VWDE: variants seen among roughly 807,000 people sequenced by gnomAD.
The protein encoded by VWDE is von Willebrand factor D and EGF domain-containing protein.
In VWDE, 207 loss-of-function variants were observed where a neutral mutation model predicts 178.4. That is an observed-to-expected ratio of 1.16 (90% CI 1.04 to 1.30). The LOEUF is 1.30. Among genes scored for constraint, VWDE ranks in the 50% most tolerant of loss-of-function variants. The pLI, the probability that VWDE is intolerant of heterozygous loss-of-function variation, is 0.00. For missense variants in VWDE, 2,287 were observed against 1,901.3 expected (o/e 1.20, Z -3.77); for synonymous variants, 738 against 651.4 (o/e 1.13, Z -2.02).
At chr7:12,358,846 C>T (rs556054143) in intron 16 of VWDE, among the ~76,000 whole-genome samples, 1 of 152,288 alleles carries the variant, frequency 6.6e-6, no homozygotes, top group East Asian at 1.9e-4. Context: ...CATTGTCTTC[C>T]CACAGCATTC....
chr7:12,365,556 C>T (rs545109642), intron 13 of VWDE, among the ~76,000 whole-genome samples: 60 of 152,164 alleles, frequency 3.9e-4, no homozygotes, highest in African/African-American at 1.4e-3. Flanking sequence ...GAGCAGGAAT[C>T]GATTCACGTT....
rs943590640 is a variant in VWDE, at chr7:12,389,147, C to T, written c.455G>A (p.Cys152Tyr). ...CTTACCTTCCGCACAGTAGCCCATACATCCCTGAGTTGGTTGTAGTAAGTA... is the reference window on the plus strand; with the variant it reads ...CTTACCTTCCGCACAGTAGCCCATATATCCCTGAGTTGGTTGTAGTAAGTA... Reference protein sequence around the residue: ...SVYLLQPTQGCMGYCAEAISD... With the variant: ...SVYLLQPTQGYMGYCAEAISD... Residue 152 changes from cysteine (C) to tyrosine (Y), a missense_variant, in exon 3 of 29, where the codon TGT becomes TAT. By Grantham distance (194) the Cys-to-Tyr change is radical. Coordinates refer to ENST00000275358, the MANE Select transcript of VWDE (RefSeq NM_001135924.3). 2.6e-6 allele frequency: 4 copies of T among 1,550,258 alleles called. No homozygotes were observed. Among genetic ancestry groups the T allele is most frequent in the Non-Finnish European group, 3.5e-6 (4 of 1,145,430 alleles).
intron 3 of VWDE, among the ~76,000 whole-genome samples, chr7:12,386,718 C>A (rs140466783): frequency 6.6e-6 from 1 of 152,100 alleles, no homozygotes; most frequent in Admixed American, 6.6e-5. Flanking sequence ...TCGCTGGTGA[C>A]GCTTCATTAT....
chr7:12,340,283 T>G (rs1781254519), intron 24 of VWDE, 39 bp downstream of exon 24: 1 of 1,460,696 alleles, frequency 6.8e-7, no homozygotes, highest in African/African-American at 1.4e-5. Flanking sequence ...TATCTAACTT[T>G]CCATTTGCCC....
At chr7:12,361,864 C>T (rs985988010) in intron 13 of VWDE, among the ~76,000 whole-genome samples, 7 of 151,900 alleles carry the variant, frequency 4.6e-5, no homozygotes, top group Admixed American at 6.6e-5. Context: ...TGATTTTCTG[C>T]CCAGAAATTC....
intron 1 of VWDE, among the ~76,000 whole-genome samples, chr7:12,398,218 T>C (rs1784716511): frequency 6.6e-6 from 1 of 152,154 alleles, no homozygotes; most frequent in South Asian, 2.1e-4. Flanking sequence ...ACTGGTCCAA[T>C]TGTCCCACAG....
intron 13 of VWDE, among the ~76,000 whole-genome samples, chr7:12,364,886 TTAAG>T (rs551446735): frequency 6.2e-4 from 94 of 152,204 alleles, no homozygotes; most frequent in African/African-American, 2.0e-3. Flanking sequence ...CAAAAACCCC[TTAAG>T]TAAGTGATCA....
intron 13 of VWDE, among the ~76,000 whole-genome samples, chr7:12,366,500 C>T (rs1782867625): frequency 6.6e-6 from 1 of 152,028 alleles, no homozygotes; most frequent in African/African-American, 2.4e-5. Flanking sequence ...CTTACATGTA[C>T]CTTTCTATTT....
At chr7:12,394,619 T>C (rs1159104637) in intron 1 of VWDE, among the ~76,000 whole-genome samples, 8 of 152,110 alleles carry the variant, frequency 5.3e-5, no homozygotes, top group Non-Finnish European at 1.2e-4. Flanking sequence ...GCTCCTGTGC[T>C]CCCAAATTAC....
At chr7:12,355,812 G>C (rs1348849041) in intron 18 of VWDE, among the ~76,000 whole-genome samples, 2 of 152,014 alleles carry the variant, frequency 1.3e-5, no homozygotes, top group African/African-American at 4.8e-5. Flanking sequence ...TATCTTAATA[G>C]TAATACATTT....
intron 10 of VWDE, among the ~76,000 whole-genome samples, chr7:12,371,730 T>C (rs1783212522): frequency 6.6e-6 from 1 of 152,146 alleles, no homozygotes; most frequent in South Asian, 2.1e-4. Context: ...TCTTTTATAT[T>C]TTGGGCATAT....
At position 12,336,186 on chromosome 7, in the gene VWDE, T is replaced by A. The variant is rs1288080370; in HGVS notation, c.4609A>T (p.Ile1537Leu). The change falls in exon 27 of 29, where the codon ATA (isoleucine) becomes TTA (leucine). Residue 1537 changes from isoleucine (I) to leucine (L), a missense_variant. Transcript: ENST00000275358. ...KNGGECIAPS[I>L]CHCPSSWEGV... ...TCCCAGGAGGAAGGACAATGGCATA[T>A]GCTGGGCGCAATGCATTCACCACCG... is the stretch of plus-strand genomic sequence containing the variant. 9.0e-6 allele frequency: 14 copies of A among 1,551,516 alleles called. No individual in the cohort carries two copies. Among genetic ancestry groups the A allele is most frequent in the Non-Finnish European group, 1.2e-5 (14 of 1,146,910 alleles).
chr7:12,386,918 A>G (rs908665755), intron 3 of VWDE, among the ~76,000 whole-genome samples: 4 of 152,232 alleles, frequency 2.6e-5, no homozygotes, highest in Non-Finnish European at 2.9e-5. Context: ...CCAGCAGTAC[A>G]TATGTGTGAA....
intron 2 of VWDE, 60 bp from the exon 3 acceptor site, chr7:12,389,418 T>C (rs557030884): frequency 9.0e-5 from 110 of 1,226,522 alleles, no homozygotes; most frequent in African/African-American, 6.3e-4. Flanking sequence ...ATTGTAGATA[T>C]ATCAACTTTG....
intron 2 of VWDE, among the ~76,000 whole-genome samples, chr7:12,390,325 T>C (rs1291451162): frequency 6.6e-6 from 1 of 151,954 alleles, no homozygotes; most frequent in African/African-American, 2.4e-5. Context: ...ACTAAATGCA[T>C]GATCTTGGAC....
rs567846842 is a variant in VWDE, at chr7:12,332,668, GT to G, written c.4758+796del. On this transcript the variant is annotated intron_variant, in intron 28 of 28. Coordinates refer to ENST00000275358, the MANE Select transcript of VWDE (RefSeq NM_001135924.3). ...AGTACTCAATAACTTTTGCTTTCCA[GT>G]TTTCAAACCATAGCCCTATTATGAT... 1.3e-3 allele frequency among the ~76,000 whole-genome samples: 193 copies of G among 152,224 alleles called. No homozygotes were observed. In the Middle Eastern group the frequency reaches 0.02, roughly 16 times the overall value.
chr7:12,394,832 T>C (rs1047748457), intron 1 of VWDE, among the ~76,000 whole-genome samples: 1 of 152,094 alleles, frequency 6.6e-6, no homozygotes, highest in Admixed American at 6.6e-5. Flanking sequence ...CTTATCTAAC[T>C]AAAAAATTAT....
chr7:12,342,303 A>G, intron 22 of VWDE, 149 bp from the exon 23 acceptor site: 1 of 551,022 alleles, frequency 1.8e-6, no homozygotes, highest in Non-Finnish European at 3.0e-6. Flanking sequence ...TTCGGGTTTC[A>G]AATGCTTTCT....
Position 12,331,152 on chromosome 7 carries a change from A to G in VWDE, c.*31T>C. ...AACAAAATATTTCCATTCTTAAGAT[A>G]CAGGCTTGTAATTCATATACTTGAT... On this transcript the variant is annotated 3_prime_UTR_variant, in exon 29 of 29. Transcript: ENST00000275358. The G allele has an allele frequency of 6.6e-7, 1 of 1,522,312 alleles. No individual in the cohort carries two copies. The highest frequency in any genetic ancestry group is 1.4e-5 in the African/African-American group (1 of 71,644). The allele number at this position is 1,522,312 out of a possible 1,614,324, so 94.3% of individuals were successfully genotyped here. A position where few individuals can be genotyped will look rare whatever the true frequency, so the allele number is the denominator to read the frequency against.
Sources: gnomAD v4.1 joint callset for allele counts (sites outside exome capture counted in the v4.1 genomes callset) on GRCh38, gnomAD v4.1.1 for gene constraint, MANE v1.5 for transcripts, NCBI Gene and HGNC (gene_info 2026-07-23, HGNC 2026-07-21) for gene names.